POU3F3: variants seen among roughly 807,000 people sequenced by gnomAD.
POU3F3 encodes the protein POU class 3 homeobox 3.
POU3F3 carries 1 observed loss-of-function variant against 8.6 expected under a neutral mutation model. That is an observed-to-expected ratio of 0.12 (90% CI 0.04 to 0.55). POU3F3 has a LOEUF of 0.55. Among genes scored for constraint, POU3F3 ranks in the 20% least tolerant of loss-of-function variants. The probability of loss-of-function intolerance (pLI) is 0.91; values close to 1 mark genes in which losing one functional copy is unlikely to be tolerated. For synonymous variants in POU3F3, 418 were observed against 327.4 expected, an observed-to-expected ratio of 1.28 and a Z score of -2.99; for missense variants, 577 against 690.7, an observed-to-expected ratio of 0.84 and a Z score of 1.84.
At chr2:104,924,180 A>C in the POU3F3 span, among the ~76,000 whole-genome samples, 2 of 152,244 alleles carry the variant, frequency 1.3e-5, no homozygotes, top group South Asian at 2.1e-4. Flanking sequence ...TTTTAAAAGC[A>C]TGTTATTTAA....
the POU3F3 span, among the ~76,000 whole-genome samples, chr2:104,911,080 C>G: frequency 6.6e-6 from 1 of 151,886 alleles, no homozygotes; most frequent in Non-Finnish European, 1.5e-5. Flanking sequence ...GTCCTGGACC[C>G]AAATGCCCAT....
chr2:104,872,671 T>C, the POU3F3 span: 447 of 264,680 alleles, frequency 1.7e-3, 1 homozygote, highest in African/African-American at 1.0e-2. The surrounding 1 kb of genome is among the most constrained non-coding windows in gnomAD (Gnocchi z 4.6). Context: ...GCGTGCAGCA[T>C]TAAATATTCA....
At chr2:104,913,468 C>T in the POU3F3 span, among the ~76,000 whole-genome samples, 2 of 152,124 alleles carry the variant, frequency 1.3e-5, no homozygotes, top group South Asian at 2.1e-4. Flanking sequence ...GGGTAACTGG[C>T]TTAATGTTCC....
At chr2:104,907,250 C>T in the POU3F3 span, among the ~76,000 whole-genome samples, 1 of 152,180 alleles carries the variant, frequency 6.6e-6, no homozygotes, top group Non-Finnish European at 1.5e-5. Context: ...AGCTCCTATT[C>T]CATCTTCTAG....
At chr2:104,872,582 G>A in the POU3F3 span, 1 of 311,652 alleles carries the variant, frequency 3.2e-6, no homozygotes, top group Non-Finnish European at 6.2e-6. This position sits in a 1 kb window ranked among gnomAD's most constrained non-coding sequence, Gnocchi z 4.6. Flanking sequence ...CCAGGCTGGT[G>A]GGGACGCACT....
At chr2:104,864,938 G>A in the POU3F3 span, among the ~76,000 whole-genome samples, 5 of 152,228 alleles carry the variant, frequency 3.3e-5, no homozygotes, top group African/African-American at 4.8e-5. Flanking sequence ...GTGCGTGTGT[G>A]TCTGTGTGCG....
the POU3F3 span, among the ~76,000 whole-genome samples, chr2:104,920,420 A>G: frequency 6.6e-6 from 1 of 152,106 alleles, no homozygotes; most frequent in Non-Finnish European, 1.5e-5. Context: ...CTGCTTGCCA[A>G]CTGACTATCT....
At position 104,857,899 on chromosome 2, in the gene POU3F3, G is replaced by T. The variant is rs1676606474; in HGVS notation, c.*886G>T. ...GGAGAGGGGGAACGTCCGCTGAGGAGTGGCGAGAGGCCCCGGCCGAGTCGG... is the reference window on the plus strand; with the variant it reads ...GGAGAGGGGGAACGTCCGCTGAGGATTGGCGAGAGGCCCCGGCCGAGTCGG... On this transcript the variant is annotated 3_prime_UTR_variant, in exon 1 of 1. Transcript: ENST00000361360. The T allele has an allele frequency of 6.6e-6, 1 of 152,224 alleles. No individual in the cohort carries two copies. Among genetic ancestry groups the T allele is most frequent in the Admixed American group, 6.5e-5 (1 of 15,292 alleles). 9.4% of individuals were successfully genotyped at this position (152,224 alleles called of 1,614,324 possible).
At chr2:104,886,656 C>T in the POU3F3 span, among the ~76,000 whole-genome samples, 3 of 152,082 alleles carry the variant, frequency 2.0e-5, no homozygotes, top group Non-Finnish European at 4.4e-5. Flanking sequence ...ACCTGTAATC[C>T]CAGGACTTTT....
At chr2:104,914,307 T>A in the POU3F3 span, among the ~76,000 whole-genome samples, 1 of 152,170 alleles carries the variant, frequency 6.6e-6, no homozygotes, top group Non-Finnish European at 1.5e-5. Context: ...TGATGTAAAA[T>A]CTTAGTGCCA....
chr2:104,855,818 ACGCCGCCGCCGC>A lies in POU3F3; in HGVS notation c.318_329del (p.Ala112_Ala115del), dbSNP rs754300848. On this transcript the variant is annotated inframe_deletion, in exon 1 of 1. Transcript: ENST00000361360. ...CACCAGTGGGTCACAGCCCTGCCCC[ACGCCGCCGCCGC>A]CGCCGCCGCTGCCGCCGCCGCCGCC... 5.3e-6 allele frequency: 6 copies of A among 1,123,394 alleles called. 1 individual carries two copies. In the Admixed American group the frequency reaches 2.2e-4, roughly 41 times the overall value. The allele number at this position is 1,123,394 out of a possible 1,614,324, so 69.6% of individuals were successfully genotyped here.
At chr2:104,911,444 G>A in the POU3F3 span, among the ~76,000 whole-genome samples, 127 of 150,570 alleles carry the variant, frequency 8.4e-4, no homozygotes, top group Non-Finnish European at 7.8e-4. Context: ...AGTGCTACAC[G>A]GCCACAAACA....
chr2:104,895,704 TC>T, the POU3F3 span, among the ~76,000 whole-genome samples: 1 of 152,228 alleles, frequency 6.6e-6, no homozygotes, highest in Admixed American at 6.5e-5. Context: ...ACTTTCCACT[TC>T]CTATGCCCCT....
chr2:104,916,482 C>T, the POU3F3 span, among the ~76,000 whole-genome samples: 2 of 152,156 alleles, frequency 1.3e-5, no homozygotes, highest in Admixed American at 1.3e-4. Context: ...TCAGCTGAGG[C>T]TCCATTTGTC....
chr2:104,865,199 T>C, the POU3F3 span, among the ~76,000 whole-genome samples: 1 of 152,202 alleles, frequency 6.6e-6, no homozygotes, highest in Non-Finnish European at 1.5e-5. Flanking sequence ...AGAAGTTTTC[T>C]CTAAGTGAAT....
chr2:104,873,047 C>T, the POU3F3 span, among the ~76,000 whole-genome samples: 1 of 152,182 alleles, frequency 6.6e-6, no homozygotes, highest in Non-Finnish European at 1.5e-5. Flanking sequence ...GAAAGTTTGC[C>T]CTTTGTTTCT....
At chr2:104,896,570 C>A in the POU3F3 span, among the ~76,000 whole-genome samples, 1 of 152,234 alleles carries the variant, frequency 6.6e-6, no homozygotes, top group Admixed American at 6.5e-5. Context: ...CTCTCAACTT[C>A]TTCCACAAGT....
chr2:104,910,701 C>T, the POU3F3 span, among the ~76,000 whole-genome samples: 7 of 152,056 alleles, frequency 4.6e-5, no homozygotes, highest in Non-Finnish European at 7.4e-5. Context: ...AGAATGGTTT[C>T]GAATTTACTG....
At position 104,857,021 on chromosome 2, in the gene POU3F3, G is replaced by A. The variant is rs113920817; in HGVS notation, c.*8G>A. On this transcript the variant is annotated 3_prime_UTR_variant, in exon 1 of 1. Coordinates refer to ENST00000361360, the MANE Select transcript of POU3F3 (RefSeq NM_006236.3). ...CAGACGAGCGTTCAGTGAAGCCAGG[G>A]CGCAGAGCGAAGAGGGCCGCCGCCG... is the stretch of plus-strand genomic sequence containing the variant. 2 of 1,569,344 alleles carry A rather than the reference G, an allele frequency of 1.3e-6. No homozygotes were observed. The highest frequency in any genetic ancestry group is 1.1e-5 in the South Asian group (1 of 87,950).
Sources: allele counts gnomAD v4.1 joint callset (sites outside exome capture counted in the v4.1 genomes callset), GRCh38; gene constraint gnomAD v4.1.1; non-coding constraint Gnocchi (gnomAD v3.1); transcripts MANE v1.5; gene names NCBI Gene and HGNC (gene_info 2026-07-23, HGNC 2026-07-21).